The following PHC1 variants were observed in gnomAD, a reference collection of about 807,000 sequenced individuals.
PHC1 encodes the protein polyhomeotic homolog 1.
A neutral mutation model predicts 104.3 loss-of-function variants in PHC1; 12 were observed. The ratio of observed to expected loss-of-function variants is 0.12; its 90% CI spans 0.07 to 0.19. PHC1 has a LOEUF of 0.19. PHC1 is among the 10% of genes least tolerant of loss of function. PHC1 has a pLI of 1.00. For missense variants in PHC1, 671 were observed against 1,200.0 expected (o/e 0.56, Z 6.51); for synonymous variants, 302 against 455.8 (o/e 0.66, Z 4.30).
Position 8,938,770 on chromosome 12 carries a change from T to G in PHC1, c.2861-535T>G, listed in dbSNP as rs780915655. On this transcript the variant is annotated intron_variant, in intron 14 of 14. Coordinates refer to ENST00000544916, the MANE Select transcript of PHC1 (RefSeq NM_004426.3). Reference sequence around the variant, plus strand: ...CTCTAAGCTATTTGAATGAAGTTATTTCTGTGGTTGAACAATTTAGTTGCT... The same window carrying G: ...CTCTAAGCTATTTGAATGAAGTTATGTCTGTGGTTGAACAATTTAGTTGCT... Among the ~76,000 whole-genome samples, 4 of 152,286 alleles carry G rather than the reference T, an allele frequency of 2.6e-5. No individual in the cohort carries two copies. In the South Asian group the frequency reaches 8.3e-4, roughly 32 times the overall value.
Position 8,930,598 on chromosome 12 carries a change from A to G in PHC1, c.776A>G (p.Asn259Ser), listed in dbSNP as rs776933296. The G allele has an allele frequency of 8.4e-6, 13 of 1,550,136 alleles. No individual in the cohort carries two copies. Among genetic ancestry groups the G allele is most frequent in the Non-Finnish European group, 1.1e-5 (13 of 1,141,646 alleles). Reference protein sequence around the residue: ...AVAQASSGATNQSLNLSQAGG... With the variant: ...AVAQASSGATSQSLNLSQAGG... ...GCACAGGCTTCCTCTGGGGCCACAA[A>G]CCAGTCCCTCAACCTTAGTCAAGCT... is the stretch of plus-strand genomic sequence containing the variant. Residue 259 changes from asparagine to serine, a missense_variant, in exon 7 of 15, where the codon AAC (asparagine) becomes AGC (serine). Transcript: ENST00000544916.
chr12:8,917,627 T>C lies in PHC1; in HGVS notation c.-48-3T>C. The C allele has an allele frequency of 1.2e-6, 1 of 830,360 alleles. No homozygotes were observed. The highest frequency in any genetic ancestry group is 1.8e-6 in the Non-Finnish European group (1 of 541,498). The allele number at this position is 830,360 out of a possible 1,614,324, so 51.4% of individuals were successfully genotyped here. ...ATTTTAACCTTTTACTGCTTCCCTC[T>C]AGGTCTTGAGTCAGACAGAGCACCA... is the stretch of plus-strand genomic sequence containing the variant. On this transcript the variant is annotated splice_region_variant and splice_polypyrimidine_tract_variant and intron_variant, in intron 1 of 14. Transcript: ENST00000544916.
intron 12 of PHC1, 88 bp from the exon 13 acceptor site, chr12:8,937,088 C>A: frequency 6.7e-7 from 1 of 1,487,268 alleles, no homozygotes; most frequent in Admixed American, 1.7e-5. Flanking sequence ...TTCCCTTCCC[C>A]AAATCAGCTC....
intron 9 of PHC1, 45 bp from the exon 10 acceptor site, chr12:8,934,222 A>G (rs1945770259): frequency 4.7e-6 from 7 of 1,475,036 alleles, no homozygotes; most frequent in Admixed American, 1.7e-5. Flanking sequence ...AGATGGATCA[A>G]TATGTCATCT....
chr12:8,926,898 A>G (rs1355741078), intron 6 of PHC1, among the ~76,000 whole-genome samples: 1 of 150,024 alleles, frequency 6.7e-6, no homozygotes, highest in East Asian at 2.0e-4. Flanking sequence ...CTGGGCAACG[A>G]GGGCGAAACT....
chr12:8,934,994 C>T, intron 10 of PHC1, 130 bp from the exon 11 acceptor site: 1 of 580,348 alleles, frequency 1.7e-6, no homozygotes, highest in Non-Finnish European at 3.1e-6. Flanking sequence ...AAGTGATTCT[C>T]TCTGAACCAG....
chr12:8,919,358 G>T lies in PHC1; in HGVS notation c.115-398G>T, dbSNP rs1326107306. On this transcript the variant is annotated intron_variant, in intron 2 of 14. Transcript: ENST00000544916. This position sits in a 1 kb window ranked among gnomAD's most constrained non-coding sequence, Gnocchi z 4.9. ...TTACAGGCAGGAGCCACCACGCCTG[G>T]CTCAGAAAGATCTCTTGAGGCCAGG... Among the ~76,000 whole-genome samples the T allele has an allele frequency of 6.6e-6, 1 of 152,110 alleles. No individual in the cohort carries two copies. Among genetic ancestry groups the T allele is most frequent in the Non-Finnish European group, 1.5e-5 (1 of 68,020 alleles).
rs774177670 is a variant in PHC1, at chr12:8,936,854, A to T, written c.2369-2A>T. On this transcript the variant is annotated splice_acceptor_variant, in intron 11 of 14. Coordinates refer to ENST00000544916, the MANE Select transcript of PHC1 (RefSeq NM_004426.3). LOFTEE classifies it high-confidence loss of function. ...ACTGTCCAGCAATACCTTGTTTTTT[A>T]GAGTTAGATAAGAAGGCGAATCTCC... The T allele has an allele frequency of 6.3e-7, 1 of 1,596,034 alleles. No individual in the cohort carries two copies. The highest frequency in any genetic ancestry group is 1.7e-5 in the Admixed American group (1 of 59,770).
chr12:8,914,272 G>A (rs1159482481), upstream of PHC1, among the ~76,000 whole-genome samples: 2 of 152,010 alleles, frequency 1.3e-5, no homozygotes, highest in African/African-American at 2.4e-5. Context: ...TCCAACCGGC[G>A]AGCAGAACTC....
chr12:8,927,031 C>T (rs1945532387), intron 6 of PHC1, among the ~76,000 whole-genome samples: 1 of 152,098 alleles, frequency 6.6e-6, no homozygotes, highest in Non-Finnish European at 1.5e-5. Context: ...GACAGAGGGT[C>T]GTGGGCTGAC....
chr12:8,933,694 C>T, intron 8 of PHC1, 171 bp from the exon 9 acceptor site: 1 of 640,698 alleles, frequency 1.6e-6, no homozygotes. Context: ...TTTCTTTTGT[C>T]CTGATGGAAA....
chr12:8,917,972 C>G (rs1033243952), intron 2 of PHC1, among the ~76,000 whole-genome samples, 181 bp downstream of exon 2: 2 of 152,184 alleles, frequency 1.3e-5, no homozygotes, highest in Non-Finnish European at 2.9e-5. Flanking sequence ...GGCAAGCAAA[C>G]AGTGAAATCT....
At chr12:8,936,053 C>T (rs1945829186) in intron 11 of PHC1, among the ~76,000 whole-genome samples, 1 of 152,146 alleles carries the variant, frequency 6.6e-6, no homozygotes, top group African/African-American at 2.4e-5. Flanking sequence ...CGTGAGCCAC[C>T]ACGCCTGGCC....
chr12:8,938,103 A>T lies in PHC1; in HGVS notation c.2860+43A>T, dbSNP rs750801254. The T allele has an allele frequency of 2.2e-6, 3 of 1,337,322 alleles. 1 individual carries two copies. The South Asian group carries it at 3.7e-5, about 16-fold the overall frequency. 82.8% of individuals were successfully genotyped at this position (1,337,322 alleles called of 1,614,324 possible). A position where few individuals can be genotyped will look rare whatever the true frequency, so the allele number is the denominator to read the frequency against. On this transcript the variant is annotated intron_variant, in intron 14 of 14. Coordinates refer to ENST00000544916, the MANE Select transcript of PHC1 (RefSeq NM_004426.3). ...AACAGAACCCAGGTTGTTTTCCTTA[A>T]CATCATCCCACAGGGGCCTTGATAA...
intron 4 of PHC1, 75 bp downstream of exon 4, chr12:8,921,140 T>A: frequency 8.9e-7 from 1 of 1,118,912 alleles, no homozygotes; most frequent in East Asian, 2.4e-5. Context: ...TTTGTGCCGC[T>A]GATCTGAGAG....
intron 8 of PHC1, 147 bp downstream of exon 8, chr12:8,933,497 A>G: frequency 9.6e-7 from 1 of 1,043,804 alleles, no homozygotes. Context: ...AGAGAGTGAC[A>G]CATTATATAA....
At chr12:8,915,334 G>A (rs1286885174) in intron 1 of PHC1, 1 of 152,146 alleles carries the variant, frequency 6.6e-6, no homozygotes. Context: ...GGACCCTTGG[G>A]CGTCTACTCC....
At chr12:8,914,142 G>C (rs1945125473), upstream of PHC1, among the ~76,000 whole-genome samples, 3 of 151,798 alleles carry the variant, frequency 2.0e-5, no homozygotes, top group Admixed American at 1.3e-4. Flanking sequence ...ATTCCCAGCA[G>C]CTCCAGAAAA....
chr12:8,937,766 GAAGA>G lies in PHC1; in HGVS notation c.2629-58_2629-55del, dbSNP rs751867859. On this transcript the variant is annotated intron_variant, in intron 13 of 14. Coordinates refer to ENST00000544916, the MANE Select transcript of PHC1 (RefSeq NM_004426.3). ...CTACGCCCAACCCAGGGTGGTTTGG[GAAGA>G]AAGAGAGAGGAATAAACCTTTGACA... The G allele has an allele frequency of 3.4e-4, 458 of 1,346,378 alleles. 1 individual carries two copies. In the African/African-American group the frequency reaches 5.7e-3, roughly 17 times the overall value. The allele number at this position is 1,346,378 out of a possible 1,614,324, so 83.4% of individuals were successfully genotyped here. A position where few individuals can be genotyped will look rare whatever the true frequency, so the allele number is the denominator to read the frequency against.
Sources: allele counts gnomAD v4.1 joint callset (sites outside exome capture counted in the v4.1 genomes callset), GRCh38; gene constraint gnomAD v4.1.1; non-coding constraint Gnocchi (gnomAD v3.1); transcripts MANE v1.5; gene names NCBI Gene and HGNC (gene_info 2026-07-23, HGNC 2026-07-21).